The following SLC23A2 variants were observed in gnomAD, a reference collection of about 807,000 sequenced individuals.
The protein encoded by SLC23A2 is Na(+)/L-ascorbic acid transporter 2.
Under a neutral mutation model 73.3 loss-of-function variants are expected in SLC23A2, and 36 were observed. The observed-to-expected ratio is 0.49, with a 90% CI of 0.38 to 0.65. SLC23A2 has a LOEUF of 0.65. Among genes scored for constraint, SLC23A2 ranks in the 30% least tolerant of loss-of-function variants. The probability of loss-of-function intolerance (pLI) is 0.00; values close to 1 mark genes in which losing one functional copy is unlikely to be tolerated. For synonymous variants in SLC23A2, 343 were observed against 327.3 expected (o/e 1.05, Z -0.52); for missense variants, 507 against 841.6 (o/e 0.60, Z 4.92).
chr20:4,951,734 T>G (rs1330713092), intron 2 of SLC23A2, among the ~76,000 whole-genome samples: 1 of 152,170 alleles, frequency 6.6e-6, no homozygotes, highest in Non-Finnish European at 1.5e-5. Context: ...AACAGTATAC[T>G]AAAAACCACT....
intron 2 of SLC23A2, among the ~76,000 whole-genome samples, chr20:4,963,571 G>C (rs1259871453): frequency 6.6e-6 from 1 of 152,160 alleles, no homozygotes; most frequent in East Asian, 1.9e-4. Flanking sequence ...AATCTGACCA[G>C]GCACGGTGGC....
intron 6 of SLC23A2, among the ~76,000 whole-genome samples, chr20:4,897,909 T>C (rs1388115102): frequency 4.6e-5 from 7 of 152,208 alleles, no homozygotes; most frequent in Non-Finnish European, 7.3e-5. Context: ...ACAGAGGGAT[T>C]ATGCCTACAA....
intron 5 of SLC23A2, among the ~76,000 whole-genome samples, chr20:4,901,516 G>A (rs964867738): frequency 4.6e-5 from 7 of 152,094 alleles, no homozygotes; most frequent in East Asian, 1.9e-4. Flanking sequence ...AACGTCCCGC[G>A]TTCATCCTAT....
chr20:4,975,062 A>G (rs2087622311), intron 1 of SLC23A2, among the ~76,000 whole-genome samples: 1 of 152,204 alleles, frequency 6.6e-6, no homozygotes, highest in African/African-American at 2.4e-5. Flanking sequence ...GCTGGATTAC[A>G]GGTGTGAGCC....
At chr20:4,984,050 G>A (rs939005481) in intron 1 of SLC23A2, among the ~76,000 whole-genome samples, 18 of 152,030 alleles carry the variant, frequency 1.2e-4, no homozygotes, top group East Asian at 5.8e-4. Context: ...TAAAGGACTC[G>A]TGCAGAATAT....
Position 4,912,873 on chromosome 20 carries a change from G to A in SLC23A2, c.207+7C>T. The A allele has an allele frequency of 6.3e-7, 1 of 1,581,368 alleles. No individual in the cohort carries two copies. The highest frequency in any genetic ancestry group is 8.7e-7 in the Non-Finnish European group (1 of 1,150,522). On this transcript the variant is annotated splice_region_variant and intron_variant, in intron 4 of 16. Coordinates refer to ENST00000338244, the MANE Select transcript of SLC23A2 (RefSeq NM_005116.6). ...GGAGTGGGGACACGGGGTGACGGAA[G>A]GGGTACCTTTTCTGCAATGCCGTTT...
intron 3 of SLC23A2, among the ~76,000 whole-genome samples, chr20:4,914,202 G>A (rs1399327378): frequency 6.6e-6 from 1 of 151,468 alleles, no homozygotes; most frequent in Non-Finnish European, 1.5e-5. Flanking sequence ...ATCAATATGC[G>A]TAAAGAACAC....
intron 2 of SLC23A2, among the ~76,000 whole-genome samples, chr20:4,940,214 G>C (rs560507104): frequency 6.6e-6 from 1 of 152,248 alleles, no homozygotes; most frequent in Admixed American, 6.5e-5. Flanking sequence ...AGCAACTCGG[G>C]AGGCTGAGAT....
intron 5 of SLC23A2, among the ~76,000 whole-genome samples, chr20:4,900,717 C>A (rs1043587794): frequency 6.6e-6 from 1 of 152,144 alleles, no homozygotes; most frequent in African/African-American, 2.4e-5. Flanking sequence ...CAGAAAGAAC[C>A]CCATCCCACT....
chr20:4,971,058 T>C (rs1396548785), intron 1 of SLC23A2, 139 bp from the exon 2 acceptor site: 1 of 152,136 alleles, frequency 6.6e-6, no homozygotes, highest in Non-Finnish European at 1.5e-5. Flanking sequence ...ATGGACTGCC[T>C]CCAAGGCCCC....
intron 3 of SLC23A2, among the ~76,000 whole-genome samples, chr20:4,928,233 G>T (rs1932735654): frequency 6.6e-6 from 1 of 151,992 alleles, no homozygotes; most frequent in South Asian, 2.1e-4. Context: ...ATGAATGAGG[G>T]TCTCGCTATG....
intron 6 of SLC23A2, among the ~76,000 whole-genome samples, chr20:4,898,048 C>G (rs1189551494): frequency 6.6e-6 from 1 of 152,208 alleles, no homozygotes; most frequent in Non-Finnish European, 1.5e-5. Flanking sequence ...AAGCACAGAG[C>G]CCTGAACACT....
At chr20:4,959,524 G>C (rs2087346495) in intron 2 of SLC23A2, among the ~76,000 whole-genome samples, 2 of 152,018 alleles carry the variant, frequency 1.3e-5, no homozygotes, top group Non-Finnish European at 2.9e-5. Flanking sequence ...TTGAGACAAG[G>C]TCTCACTCTG....
chr20:4,930,465 C>T (rs911762309), intron 3 of SLC23A2, among the ~76,000 whole-genome samples: 2 of 152,094 alleles, frequency 1.3e-5, no homozygotes, highest in Non-Finnish European at 2.9e-5. Context: ...AGAATTAATA[C>T]AATTTAAAAA....
intron 6 of SLC23A2, among the ~76,000 whole-genome samples, chr20:4,892,509 A>AT (rs1005794569): frequency 6.6e-6 from 1 of 152,136 alleles, no homozygotes; most frequent in Non-Finnish European, 1.5e-5. Context: ...TTAATGTATG[A>AT]TTTTAAATTC....
intron 11 of SLC23A2, 107 bp downstream of exon 11, chr20:4,873,829 G>T: frequency 8.9e-7 from 1 of 1,121,104 alleles, no homozygotes; most frequent in Non-Finnish European, 1.3e-6. Flanking sequence ...GAATGGCAAG[G>T]CCTTCAGGAG....
chr20:4,853,833 A>G lies in SLC23A2; in HGVS notation c.*3139T>C, dbSNP rs1929615233. Reference sequence around the variant, plus strand: ...CAAGAAACTAAAAGTTAGCATTTGAAATCCTCTTGAGGATTCTGAAAGTAA... The same window carrying G: ...CAAGAAACTAAAAGTTAGCATTTGAGATCCTCTTGAGGATTCTGAAAGTAA... On this transcript the variant is annotated 3_prime_UTR_variant, in exon 17 of 17. Transcript: ENST00000338244. The G allele has an allele frequency of 6.6e-6, 1 of 152,228 alleles. No individual in the cohort carries two copies. Among genetic ancestry groups the G allele is most frequent in the South Asian group, 2.1e-4 (1 of 4,832 alleles). The allele number at this position is 152,228 out of a possible 1,614,324, so 9.4% of individuals were successfully genotyped here.
At chr20:4,975,729 T>A (rs2087634569) in intron 1 of SLC23A2, among the ~76,000 whole-genome samples, 1 of 151,382 alleles carries the variant, frequency 6.6e-6, no homozygotes, top group Non-Finnish European at 1.5e-5. Flanking sequence ...AAGAATGACA[T>A]CTGGTTTTGA....
At chr20:4,940,443 A>G (rs538260631) in intron 2 of SLC23A2, among the ~76,000 whole-genome samples, 1 of 152,266 alleles carries the variant, frequency 6.6e-6, no homozygotes, top group Admixed American at 6.5e-5. Context: ...ATGAAAACAA[A>G]GTAACTATTA....
Sources: allele counts gnomAD v4.1 joint callset (sites outside exome capture counted in the v4.1 genomes callset), GRCh38; gene constraint gnomAD v4.1.1; transcripts MANE v1.5; gene names NCBI Gene and HGNC (gene_info 2026-07-23, HGNC 2026-07-21).